The following AMZ1 variants were observed in gnomAD, a reference collection of about 807,000 sequenced individuals.
AMZ1 encodes archaelysin family metallopeptidase 1.
A neutral mutation model predicts 29.9 loss-of-function variants in AMZ1; 39 were observed. That is an observed-to-expected ratio of 1.30 (90% CI 1.01 to 1.70). The LOEUF is 1.70. Ranked by LOEUF, AMZ1 falls within the 40% of genes most tolerant of loss-of-function variation. The pLI, the probability that AMZ1 is intolerant of heterozygous loss-of-function variation, is 0.00. For synonymous variants in AMZ1, 458 were observed against 304.0 expected, an observed-to-expected ratio of 1.51 and a Z score of -5.27; for missense variants, 1,041 against 680.6, an observed-to-expected ratio of 1.53 and a Z score of -5.89.
chr7:2,680,422 C>T (rs1212681521), intron 1 of AMZ1, among the ~76,000 whole-genome samples: 1 of 152,172 alleles, frequency 6.6e-6, no homozygotes, highest in East Asian at 1.9e-4. Flanking sequence ...TGCAGGGCTT[C>T]TCCAGGTGTT....
At chr7:2,739,309 C>A (rs920135374) in intron 4 of AMZ1, among the ~76,000 whole-genome samples, 1 of 152,140 alleles carries the variant, frequency 6.6e-6, no homozygotes, top group Non-Finnish European at 1.5e-5. Flanking sequence ...CAGACCCTGA[C>A]AACACGAATC....
At chr7:2,745,776 T>A (rs1486814129) in intron 4 of AMZ1, among the ~76,000 whole-genome samples, 2 of 152,038 alleles carry the variant, frequency 1.3e-5, no homozygotes, top group Non-Finnish European at 2.9e-5. Context: ...AGGAAACCCA[T>A]CTCACGTGCA....
At chr7:2,711,794 AGCACTTTGGGAG>A (rs1788796461) in intron 6 of AMZ1, among the ~76,000 whole-genome samples, 1 of 152,194 alleles carries the variant, frequency 6.6e-6, no homozygotes, top group Non-Finnish European at 1.5e-5. Context: ...CTGTAATCCC[AGCACTTTGGGAG>A]GCGGAGGTGG....
At chr7:2,760,287 C>G (rs1184170425), upstream of AMZ1, 1 of 152,526 alleles carries the variant, frequency 6.6e-6, no homozygotes, top group Non-Finnish European at 1.5e-5. Context: ...CGCTGCCTCC[C>G]TAGGTCCACA....
At chr7:2,707,590 T>C (rs552844464) in intron 3 of AMZ1, among the ~76,000 whole-genome samples, 11 of 152,170 alleles carry the variant, frequency 7.2e-5, no homozygotes, top group African/African-American at 2.4e-4. Flanking sequence ...ACTTGCTAGC[T>C]TGGATGACCC....
At chr7:2,762,204 T>C (rs554059462), upstream of AMZ1, 38 of 169,808 alleles carry the variant, frequency 2.2e-4, no homozygotes, top group Middle Eastern at 2.5e-3. Flanking sequence ...GCTTCGTTTC[T>C]AGGAGAAGTT....
rs1789232956 is a variant in AMZ1 at position 2,718,052 on chromosome 7, T to C, written c.*5174T>C. ...CCGCGGCAGCCAGGCCCGTCCAACCTCCTGCCCTCTCTGAGAGGGGCCCGA... is the reference window on the plus strand; with the variant it reads ...CCGCGGCAGCCAGGCCCGTCCAACCCCCTGCCCTCTCTGAGAGGGGCCCGA... On this transcript the variant is annotated 3_prime_UTR_variant, in exon 7 of 7. Coordinates refer to ENST00000683327, the MANE Select transcript of AMZ1 (RefSeq NM_001384743.1). Among the ~76,000 whole-genome samples the C allele has an allele frequency of 6.6e-6, 1 of 152,012 alleles. No individual in the cohort carries two copies. Among genetic ancestry groups the C allele is most frequent in the African/African-American group, 2.4e-5 (1 of 41,368 alleles).
rs144568309 is a variant in AMZ1 at position 2,709,777 on chromosome 7, G to A, written c.909G>A (p.Leu303=). ...TCTGTCCCATCTGCCTGAGGAAGCT[G>A]CAGCATGTCCTGGGTTTCAGGCTCA... ...LDLCPICLRK[L]QHVLGFRLIE... The change falls in exon 6 of 7, where the codon CTG becomes CTA. Residue 303 remains leucine, a synonymous_variant. Coordinates refer to ENST00000683327, the MANE Select transcript of AMZ1 (RefSeq NM_001384743.1). 1.6e-5 allele frequency: 26 copies of A among 1,611,984 alleles called. No individual in the cohort carries two copies. In the African/African-American group the frequency reaches 2.7e-4, roughly 17 times the overall value.
At position 2,719,373 on chromosome 7, in the gene AMZ1, G is replaced by GCCTGGCAGAGCTCCCTCCTCTGCT; in HGVS notation, c.*6498_*6521dup. Among the ~76,000 whole-genome samples, 1 of 152,312 alleles carries GCCTGGCAGAGCTCCCTCCTCTGCT rather than the reference G, an allele frequency of 6.6e-6. No individual in the cohort carries two copies. Among genetic ancestry groups the GCCTGGCAGAGCTCCCTCCTCTGCT allele is most frequent in the East Asian group, 1.9e-4 (1 of 5,174 alleles). On this transcript the variant is annotated 3_prime_UTR_variant, in exon 7 of 7. Coordinates refer to ENST00000683327, the MANE Select transcript of AMZ1 (RefSeq NM_001384743.1). The stretch of plus-strand genomic sequence containing the variant: ...GCCTAAAGAGGGCAAAGGCCCGCGC[G>GCCTGGCAGAGCTCCCTCCTCTGCT]CCTGGCAGAGCTCCCTCCTCTGCTC...
Position 2,718,963 on chromosome 7 carries a change from T to C in AMZ1, c.*6085T>C, listed in dbSNP as rs1345610566. ...GAGCTCCGGCCATTTATTCCAAATGTATGAGCAGGAAGGAAAGAGGGAGGG... is the reference window on the plus strand; with the variant it reads ...GAGCTCCGGCCATTTATTCCAAATGCATGAGCAGGAAGGAAAGAGGGAGGG... On this transcript the variant is annotated 3_prime_UTR_variant, in exon 7 of 7. Coordinates refer to ENST00000683327, the MANE Select transcript of AMZ1 (RefSeq NM_001384743.1). Among the ~76,000 whole-genome samples, 1 of 151,022 alleles carries C rather than the reference T, an allele frequency of 6.6e-6. No individual in the cohort carries two copies. The highest frequency in any genetic ancestry group is 2.4e-5 in the African/African-American group (1 of 41,078).
Position 2,712,447 on chromosome 7 carries a change from A to T in AMZ1, c.1066A>T (p.Ser356Cys), listed in dbSNP as rs558316712. 1.9e-5 allele frequency: 31 copies of T among 1,611,632 alleles called. No individual in the cohort carries two copies. In the African/African-American group the frequency reaches 4.0e-4, roughly 21 times the overall value. The part of the protein sequence containing the change: ...ASADSGMCCE[S>C]DSEPGTSVSE... ...CGCCGACTCGGGCATGTGCTGTGAG[A>T]GTGACTCGGAGCCCGGCACCAGTGT... The change falls in exon 7 of 7, where the codon AGT (serine) becomes TGT (cysteine). Residue 356 changes from serine (S) to cysteine (C), a missense_variant. By Grantham distance (112) the Ser-to-Cys change is moderately radical. Transcript: ENST00000683327.
Position 2,708,666 on chromosome 7 carries a change from A to G in AMZ1, c.551A>G (p.Tyr184Cys). Residue 184 changes from tyrosine (Y) to cysteine (C), a missense_variant, in exon 4 of 7, where the codon TAC becomes TGC. Transcript: ENST00000683327. ...CTGGGCCTCACACTGTCTGACCTGT[A>G]CCCCCATGAGGCCTGGAGCTTCACC... ...CVLGLTLSDL[Y>C]PHEAWSFTFS... 1 of 1,612,992 alleles carries G rather than the reference A, an allele frequency of 6.2e-7. No individual in the cohort carries two copies. The highest frequency in any genetic ancestry group is 1.3e-5 in the African/African-American group (1 of 74,968).
chr7:2,696,293 G>T (rs1353392488), intron 1 of AMZ1, among the ~76,000 whole-genome samples: 2 of 133,336 alleles, frequency 1.5e-5, no homozygotes, highest in South Asian at 2.5e-4. Context: ...GTCTCGCTCT[G>T]TCACCCAGGC....
downstream of AMZ1, among the ~76,000 whole-genome samples, chr7:2,724,122 T>C (rs553775492): frequency 3.3e-5 from 5 of 152,140 alleles, no homozygotes; most frequent in Admixed American, 2.0e-4. Flanking sequence ...GGTCTCACCA[T>C]CTTGGCCAGG....
At chr7:2,696,778 T>C (rs931698485) in intron 1 of AMZ1, among the ~76,000 whole-genome samples, 3 of 151,766 alleles carry the variant, frequency 2.0e-5, no homozygotes, top group African/African-American at 4.8e-5. Flanking sequence ...CCCAACTACT[T>C]GGGAGGCTAA....
upstream of AMZ1, among the ~76,000 whole-genome samples, chr7:2,685,593 G>A (rs1787048650): frequency 6.7e-6 from 1 of 149,372 alleles, no homozygotes; most frequent in Non-Finnish European, 1.5e-5. Flanking sequence ...GGTGGCTCAT[G>A]CCTGTAATCC....
chr7:2,719,401 A>G lies in AMZ1; in HGVS notation c.*6523A>G, dbSNP rs1313683326. The stretch of plus-strand genomic sequence containing the variant: ...TGGCAGAGCTCCCTCCTCTGCTCCA[A>G]CAGCAGAGCCCAGAGCATCCCTTGG... On this transcript the variant is annotated 3_prime_UTR_variant, in exon 7 of 7. Coordinates refer to ENST00000683327, the MANE Select transcript of AMZ1 (RefSeq NM_001384743.1). Among the ~76,000 whole-genome samples the G allele has an allele frequency of 2.6e-5, 4 of 152,188 alleles. No individual in the cohort carries two copies. Among genetic ancestry groups the G allele is most frequent in the Non-Finnish European group, 5.9e-5 (4 of 68,038 alleles).
At chr7:2,745,615 C>G (rs773060873) in intron 4 of AMZ1, among the ~76,000 whole-genome samples, 4 of 152,154 alleles carry the variant, frequency 2.6e-5, no homozygotes, top group Non-Finnish European at 5.9e-5. Flanking sequence ...CATCAACTAA[C>G]GAGCAAAATA....
intron 1 of AMZ1, among the ~76,000 whole-genome samples, chr7:2,682,103 C>T (rs868756792): frequency 5.3e-5 from 8 of 152,190 alleles, no homozygotes; most frequent in Non-Finnish European, 8.8e-5. Context: ...GGGGACCCGA[C>T]GTGAATACTA....
Sources: allele counts gnomAD v4.1 joint callset (sites outside exome capture counted in the v4.1 genomes callset), GRCh38; gene constraint gnomAD v4.1.1; transcripts MANE v1.5; gene names NCBI Gene and HGNC (gene_info 2026-07-23, HGNC 2026-07-21).